COIL: variants seen among roughly 807,000 people sequenced by gnomAD.
COIL encodes the protein coilin, also known as coilin p80.
Under a neutral mutation model 51.6 loss-of-function variants are expected in COIL, and 28 were observed. The ratio of observed to expected loss-of-function variants is 0.54; its 90% CI spans 0.40 to 0.74. COIL has a LOEUF of 0.74. Among genes scored for constraint, COIL ranks in the 30% least tolerant of loss-of-function variants. The probability of loss-of-function intolerance (pLI) is 0.00; values close to 1 mark genes in which losing one functional copy is unlikely to be tolerated. For missense variants in COIL, 667 were observed against 685.9 expected (o/e 0.97, Z 0.31); for synonymous variants, 233 against 255.8 (o/e 0.91, Z 0.85).
chr17:56,946,354 G>C, intron 5 of COIL, 88 bp downstream of exon 5: 5 of 876,602 alleles, frequency 5.7e-6, no homozygotes, highest in Non-Finnish European at 9.1e-6. Context: ...TGGAGGCCAA[G>C]GAAGAGAACA....
chr17:56,945,365 T>C (rs1910229443), intron 5 of COIL, among the ~76,000 whole-genome samples: 1 of 151,976 alleles, frequency 6.6e-6, no homozygotes, highest in South Asian at 2.1e-4. Flanking sequence ...TTAATTGCTT[T>C]AGGATCTTCT....
chr17:56,949,602 A>T (rs1910315624), intron 3 of COIL, 79 bp downstream of exon 3: 5 of 1,451,536 alleles, frequency 3.4e-6, no homozygotes, highest in Non-Finnish European at 4.8e-6. Context: ...TTACAAACAC[A>T]TTTAACCTGA....
rs752670467 is a variant in COIL at position 56,950,388 on chromosome 17, G to C, written c.854C>G (p.Ser285Cys). The change falls in exon 2 of 7, where the codon TCT becomes TGT. Residue 285 changes from serine to cysteine, a missense_variant. Physicochemically the swap from Ser to Cys is moderately radical, Grantham distance 112 (BLOSUM62 -1). Coordinates refer to ENST00000240316, the MANE Select transcript of COIL (RefSeq NM_004645.3). ...LPTELSKEEPSTKNTTADKLA... is the reference protein window; with the variant it reads ...LPTELSKEEPCTKNTTADKLA... Reference sequence around the variant, plus strand: ...TTTGTCTGCAGTTGTATTTTTGGTAGAGGGTTCTTCCTTTGATAACTCAGT... The same window carrying C: ...TTTGTCTGCAGTTGTATTTTTGGTACAGGGTTCTTCCTTTGATAACTCAGT... 5.0e-6 allele frequency: 8 copies of C among 1,614,064 alleles called. No individual in the cohort carries two copies. In the East Asian group the frequency reaches 1.8e-4, roughly 36 times the overall value.
chr17:56,947,960 TAGC>T (rs1015819369), intron 4 of COIL, among the ~76,000 whole-genome samples: 14 of 152,186 alleles, frequency 9.2e-5, no homozygotes, highest in Admixed American at 7.9e-4. Context: ...TAACTATTAA[TAGC>T]ATCCCTTTGA....
At chr17:56,952,978 T>C (rs1226583593) in intron 1 of COIL, among the ~76,000 whole-genome samples, 2 of 152,132 alleles carry the variant, frequency 1.3e-5, no homozygotes. Flanking sequence ...AAATTGTGAG[T>C]ACTCAAAAAT....
intron 6 of COIL, among the ~76,000 whole-genome samples, chr17:56,940,777 T>G (rs761605927): frequency 3.9e-5 from 6 of 152,272 alleles, no homozygotes; most frequent in Middle Eastern, 3.4e-3. Flanking sequence ...AACTTCCATT[T>G]AATGCCACCA....
At chr17:56,952,300 C>T (rs1407156876) in intron 1 of COIL, 5 of 473,780 alleles carry the variant, frequency 1.1e-5, no homozygotes, top group Non-Finnish European at 2.1e-5. Flanking sequence ...GCTCCCATCC[C>T]ACCAGTTTGG....
At position 56,960,897 on chromosome 17, in the gene COIL, G is replaced by A. The variant is rs1263144441; in HGVS notation, c.123C>T (p.Leu41=). The change falls in exon 1 of 7, where the codon CTC becomes CTT. Residue 41 remains leucine, a synonymous_variant. Transcript: ENST00000240316. Reference sequence around the variant, plus strand: ...CGAAGCGCTGGCGGATGAGACTAATGAGATCTGTGACGACTCGGCATCTGT... The same window carrying A: ...CGAAGCGCTGGCGGATGAGACTAATAAGATCTGTGACGACTCGGCATCTGT... The part of the protein sequence containing the change: ...DLNRCRVVTD[L]ISLIRQRFGF... The A allele has an allele frequency of 3.1e-6, 5 of 1,614,206 alleles. No individual in the cohort carries two copies. The highest frequency in any genetic ancestry group is 1.1e-5 in the South Asian group (1 of 91,078).
In COIL at chr17:56,950,847, T is replaced by C. The variant is rs1445384388; in HGVS notation, c.395A>G (p.His132Arg). 1.2e-6 allele frequency: 2 copies of C among 1,614,002 alleles called. No homozygotes were observed. The highest frequency in any genetic ancestry group is 1.3e-5 in the African/African-American group (1 of 74,926). The change falls in exon 2 of 7, where the codon CAT becomes CGT. Residue 132 changes from histidine (H) to arginine (R), a missense_variant. By Grantham distance (29) the His-to-Arg change is conservative. Coordinates refer to ENST00000240316, the MANE Select transcript of COIL (RefSeq NM_004645.3). The stretch of plus-strand genomic sequence containing the variant: ...GTTATTGTTCTCTCGACTCTTCCAA[T>C]GCTTCTTTGAATATTTGCAATCTGG... ...TEPDCKYSKK[H>R]WKSRENNNNN...
intron 1 of COIL, chr17:56,952,103 C>G: frequency 2.5e-6 from 1 of 404,456 alleles, no homozygotes; most frequent in Non-Finnish European, 4.8e-6. Context: ...GCCATCGCAC[C>G]CAGCCCCATC....
intron 1 of COIL, among the ~76,000 whole-genome samples, chr17:56,958,153 G>C (rs907156803): frequency 6.6e-6 from 1 of 152,190 alleles, no homozygotes; most frequent in African/African-American, 2.4e-5. Flanking sequence ...TCAAGGTACT[G>C]CTCAATTCCC....
intron 6 of COIL, 54 bp from the exon 7 acceptor site, chr17:56,939,208 G>A (rs558648566): frequency 2.9e-5 from 27 of 927,552 alleles, no homozygotes; most frequent in South Asian, 1.8e-4. Flanking sequence ...AGGTCATACC[G>A]GTTAATTCAG....
chr17:56,943,837 A>G (rs1030796356), intron 5 of COIL, among the ~76,000 whole-genome samples: 2 of 152,164 alleles, frequency 1.3e-5, no homozygotes, highest in African/African-American at 4.8e-5. Flanking sequence ...GACAAGTGAC[A>G]TTGCTATTAG....
At chr17:56,951,065 T>C (rs1910361633) in intron 1 of COIL, 69 bp from the exon 2 acceptor site, 1 of 1,372,896 alleles carries the variant, frequency 7.3e-7, no homozygotes, top group African/African-American at 1.4e-5. Flanking sequence ...CATAGTTATA[T>C]ACTGAGATGA....
At chr17:56,959,093 C>A (rs1910533132) in intron 1 of COIL, among the ~76,000 whole-genome samples, 1 of 151,886 alleles carries the variant, frequency 6.6e-6, no homozygotes, top group African/African-American at 2.4e-5. Flanking sequence ...GCCTGTAATC[C>A]CAGTGCTTTG....
chr17:56,944,932 G>C (rs889638409), intron 5 of COIL, among the ~76,000 whole-genome samples: 1 of 152,134 alleles, frequency 6.6e-6, no homozygotes, highest in Non-Finnish European at 1.5e-5. Context: ...CAGGAGGATG[G>C]TGCGAACCTG....
intron 1 of COIL, chr17:56,951,700 A>G (rs1164046251): frequency 6.5e-6 from 1 of 153,382 alleles, no homozygotes; most frequent in African/African-American, 2.4e-5. Context: ...GATGCTCTCA[A>G]GAGCATCAAC....
Position 56,946,524 on chromosome 17 carries a change from A to G in COIL, c.1489-13T>C. Reference sequence around the variant, plus strand: ...ATATTCTTCCTTCCTTTCAAAAATAAAAGTCCAAGTCAAAATCAACATGTA... The same window carrying G: ...ATATTCTTCCTTCCTTTCAAAAATAGAAGTCCAAGTCAAAATCAACATGTA... On this transcript the variant is annotated splice_polypyrimidine_tract_variant and intron_variant, in intron 4 of 6. Coordinates refer to ENST00000240316, the MANE Select transcript of COIL (RefSeq NM_004645.3). 1 of 1,588,680 alleles carries G rather than the reference A, an allele frequency of 6.3e-7. No individual in the cohort carries two copies. The highest frequency in any genetic ancestry group is 8.6e-7 in the Non-Finnish European group (1 of 1,158,202).
intron 1 of COIL, among the ~76,000 whole-genome samples, chr17:56,953,208 G>A (rs7225929): frequency 0.86 from 129,798 of 150,800 alleles, 56,409 homozygotes; most frequent in East Asian, 0.98. Context: ...TCAGGAGATC[G>A]AGACCATCCT....
Sources: gnomAD v4.1 joint callset for allele counts (sites outside exome capture counted in the v4.1 genomes callset) on GRCh38, gnomAD v4.1.1 for gene constraint, MANE v1.5 for transcripts, NCBI Gene and HGNC (gene_info 2026-07-23, HGNC 2026-07-21) for gene names.